Variants in RANBP2 observed in about 807,000 individuals in gnomAD.
RANBP2 encodes RAN binding protein 2, also known as E3 SUMO-protein ligase RanBP2.
In RANBP2, 57 loss-of-function variants were observed where a neutral mutation model predicts 303.6. The ratio of observed to expected loss-of-function variants is 0.19; its 90% confidence interval spans 0.15 to 0.23. The LOEUF (loss-of-function observed/expected upper bound fraction) is 0.23, where lower values mean the gene tolerates loss of function less well. Among genes scored for constraint, RANBP2 ranks in the 10% least tolerant of loss-of-function variants. The pLI, the probability that RANBP2 is intolerant of heterozygous loss-of-function variation, is 1.00. For synonymous variants in RANBP2, 1,167 were observed against 1,301.5 expected, an observed-to-expected ratio of 0.90 and a Z score of 2.23; for missense variants, 3,138 against 3,780.8, an observed-to-expected ratio of 0.83 and a Z score of 4.46.
chr2:109,401,868 T>C, the RANBP2 span, among the ~76,000 whole-genome samples: 1 of 152,190 alleles, frequency 6.6e-6, no homozygotes, highest in Non-Finnish European at 1.5e-5. Context: ...TTCTATTAAT[T>C]TGCATACTAC....
the RANBP2 span, among the ~76,000 whole-genome samples, chr2:109,703,036 A>G: frequency 1.3e-5 from 2 of 152,164 alleles, no homozygotes; most frequent in Non-Finnish European, 2.9e-5. Flanking sequence ...GGGCTAGGAG[A>G]GGAATGTTCA....
the RANBP2 span, among the ~76,000 whole-genome samples, chr2:109,555,888 C>T: frequency 1.3e-5 from 2 of 152,180 alleles, no homozygotes; most frequent in South Asian, 2.1e-4. Flanking sequence ...CATCCTCCTT[C>T]GTTCAGTCCC....
chr2:109,794,610 G>GCGGCTGCGGCCTCGGCCCCGGCCCGGCC, the RANBP2 span: 1 of 189,728 alleles, frequency 5.3e-6, no homozygotes, highest in African/African-American at 3.7e-5. Flanking sequence ...GGCGGCGGCG[G>GCGGCTGCGGCCTCGGCCCCGGCCCGGCC]GGGGGGCGGC....
chr2:109,295,832 C>T, the RANBP2 span, among the ~76,000 whole-genome samples: 1 of 152,144 alleles, frequency 6.6e-6, no homozygotes, highest in Non-Finnish European at 1.5e-5. Flanking sequence ...ACTCCCTGCA[C>T]GGGCATCTCT....
chr2:109,761,521 G>A, the RANBP2 span, among the ~76,000 whole-genome samples: 3 of 148,506 alleles, frequency 2.0e-5, no homozygotes, highest in Admixed American at 2.1e-4. Flanking sequence ...CGTTTCTCGG[G>A]GATCTCACAC....
chr2:108,852,969 A>G, the RANBP2 span, among the ~76,000 whole-genome samples: 1 of 152,218 alleles, frequency 6.6e-6, no homozygotes, highest in Non-Finnish European at 1.5e-5. Flanking sequence ...TATAGGCACA[A>G]TTTTGTTTGT....
the RANBP2 span, among the ~76,000 whole-genome samples, chr2:109,322,146 G>C: frequency 6.6e-6 from 1 of 152,118 alleles, no homozygotes; most frequent in African/African-American, 2.4e-5. Flanking sequence ...TAAGGGGGAG[G>C]AAGAGAGAGA....
At chr2:109,451,267 G>C in the RANBP2 span, among the ~76,000 whole-genome samples, 1 of 152,330 alleles carries the variant, frequency 6.6e-6, no homozygotes, top group Admixed American at 6.5e-5. Flanking sequence ...TCTTGAATCT[G>C]TTCCCTTCTA....
At chr2:109,241,933 T>A in the RANBP2 span, among the ~76,000 whole-genome samples, 1 of 151,944 alleles carries the variant, frequency 6.6e-6, no homozygotes, top group Non-Finnish European at 1.5e-5. Flanking sequence ...TGCTTGGACC[T>A]GAGACACGAT....
At chr2:108,803,639 G>T in the RANBP2 span, among the ~76,000 whole-genome samples, 1 of 152,062 alleles carries the variant, frequency 6.6e-6, no homozygotes, top group African/African-American at 2.4e-5. Flanking sequence ...CCATGTCTGG[G>T]ACCCACCCTG....
At chr2:109,670,077 G>A in the RANBP2 span, among the ~76,000 whole-genome samples, 1 of 152,188 alleles carries the variant, frequency 6.6e-6, no homozygotes, top group Non-Finnish European at 1.5e-5. Context: ...TCCAGGGTGC[G>A]GCAGACGGTT....
the RANBP2 span, among the ~76,000 whole-genome samples, chr2:109,495,477 C>CTTTTT: frequency 1.8e-3 from 170 of 94,270 alleles, 3 homozygotes; most frequent in Non-Finnish European, 2.2e-3. Flanking sequence ...TCTTTCATTC[C>CTTTTT]TTTTTTTTTT....
chr2:108,990,545 G>A, the RANBP2 span, among the ~76,000 whole-genome samples: 2 of 152,030 alleles, frequency 1.3e-5, no homozygotes, highest in Admixed American at 6.6e-5. Context: ...GCAGTGAGCC[G>A]AGATTGTGCC....
chr2:109,541,458 A>G, the RANBP2 span, among the ~76,000 whole-genome samples: 3 of 152,152 alleles, frequency 2.0e-5, no homozygotes, highest in Non-Finnish European at 4.4e-5. Context: ...GCCCCGGCCC[A>G]GCTCCCCCTG....
chr2:109,101,440 T>C, the RANBP2 span, among the ~76,000 whole-genome samples: 1 of 151,874 alleles, frequency 6.6e-6, no homozygotes, highest in African/African-American at 2.4e-5. Flanking sequence ...GGCAGGAGAA[T>C]GGCGGGAACT....
At position 108,782,632 on chromosome 2, in the gene RANBP2, C is replaced by T. The variant is rs1314805264; in HGVS notation, c.9139C>T (p.Leu3047Phe). 1 of 1,614,180 alleles carries T rather than the reference C, an allele frequency of 6.2e-7. No individual in the cohort carries two copies. The highest frequency in any genetic ancestry group is 8.5e-7 in the Non-Finnish European group (1 of 1,180,038). Residue 3047 changes from leucine (L) to phenylalanine (F), a missense_variant, in exon 28 of 29, where the codon CTC becomes TTC. Physicochemically the swap from Leu to Phe is conservative, Grantham distance 22. This residue lies in a region of RANBP2 where 204 missense variants were observed against 228.4 expected (regional missense o/e 0.89). Transcript: ENST00000283195. ...FEECQQNLMK[L>F]QKGHVSLAAE... ...AGAATGTCAGCAGAATTTAATGAAA[C>T]TCCAGAAAGGACATGTATCACTGGC...
the RANBP2 span, among the ~76,000 whole-genome samples, chr2:109,234,556 T>A: frequency 1.3e-5 from 2 of 152,262 alleles, no homozygotes; most frequent in Non-Finnish European, 2.9e-5. Context: ...GGCTCTGTTG[T>A]GCTGCAGTAA....
At chr2:108,868,805 A>T in the RANBP2 span, among the ~76,000 whole-genome samples, 3,035 of 152,314 alleles carry the variant, frequency 0.02, 98 homozygotes, top group African/African-American at 0.07. Flanking sequence ...CTTGAAGAAA[A>T]AAAAGCTAAG....
chr2:109,161,855 G>T, the RANBP2 span, among the ~76,000 whole-genome samples: 1 of 151,932 alleles, frequency 6.6e-6, no homozygotes, highest in Non-Finnish European at 1.5e-5. Flanking sequence ...CCAACATTGG[G>T]GATCACATTT....
Sources: gnomAD v4.1 joint callset for allele counts (sites outside exome capture counted in the v4.1 genomes callset) on GRCh38, gnomAD v4.1.1 for gene constraint, gnomAD v4.1.1 regional missense constraint, MANE v1.5 for transcripts, NCBI Gene and HGNC (gene_info 2026-07-23, HGNC 2026-07-21) for gene names.